TBCD: variants seen among roughly 807,000 people sequenced by gnomAD.
TBCD encodes tubulin folding cofactor D.
Under a neutral mutation model 169.3 loss-of-function variants are expected in TBCD, and 105 were observed. That is an observed-to-expected ratio of 0.62 (90% CI 0.53 to 0.73). TBCD has a LOEUF of 0.73. TBCD is among the 30% of genes least tolerant of loss of function. The pLI, the probability that TBCD is intolerant of heterozygous loss-of-function variation, is 0.00. For synonymous variants in TBCD, 700 were observed against 643.9 expected (o/e 1.09, Z -1.32); for missense variants, 1,444 against 1,600.1 (o/e 0.90, Z 1.66).
rs2057218446 is a variant in TBCD, at chr17:82,866,997, T to C, written c.1319-3227T>C. Reference sequence around the variant, plus strand: ...GCGTGTGTGTGTTGGCCCAGATGCCTGTTAGTGGACGCTGTGTCTGCACAG... The same window carrying C: ...GCGTGTGTGTGTTGGCCCAGATGCCCGTTAGTGGACGCTGTGTCTGCACAG... On this transcript the variant is annotated intron_variant, in intron 13 of 38. Transcript: ENST00000355528. Among the ~76,000 whole-genome samples the C allele has an allele frequency of 2.6e-5, 4 of 152,220 alleles. No individual in the cohort carries two copies. In the South Asian group the frequency reaches 8.3e-4, roughly 32 times the overall value.
chr17:82,837,654 T>C (rs2054103409), intron 13 of TBCD, among the ~76,000 whole-genome samples: 1 of 147,206 alleles, frequency 6.8e-6, no homozygotes, highest in African/African-American at 2.5e-5. Context: ...TGAAGGAGGG[T>C]TTCATCCTCC....
At position 82,831,880 on chromosome 17, in the gene TBCD, A is replaced by C. The variant is rs1196823290; in HGVS notation, c.1318+16946A>C. 6.2e-7 allele frequency: 1 copy of C among 1,614,082 alleles called. No homozygotes were observed. The highest frequency in any genetic ancestry group is 8.5e-7 in the Non-Finnish European group (1 of 1,179,996). ...GAAGGCCGACTTGGTGTGGAAAGAC[A>C]CGGCCTTGGCAGTGGGGTTGTGTAA... On this transcript the variant is annotated intron_variant, in intron 13 of 38. Transcript: ENST00000355528. This position sits in a 1 kb window ranked among gnomAD's most constrained non-coding sequence, Gnocchi z 4.6.
intron 26 of TBCD, among the ~76,000 whole-genome samples, chr17:82,924,704 G>T (rs2061614159): frequency 6.6e-6 from 1 of 152,178 alleles, no homozygotes; most frequent in Non-Finnish European, 1.5e-5. Flanking sequence ...AGCGAGCTAA[G>T]CTTGCACCAC....
chr17:82,806,978 C>T lies in TBCD; in HGVS notation c.1088-630C>T, dbSNP rs2051012748. ...CCGTCTCCCACCCGCTGCAGGCAGT[C>T]CCCCCTGCCCGCATTCCAGCTGCTG... On this transcript the variant is annotated intron_variant, in intron 10 of 38. Coordinates refer to ENST00000355528, the MANE Select transcript of TBCD (RefSeq NM_005993.5). This position sits in a 1 kb window ranked among gnomAD's most constrained non-coding sequence, Gnocchi z 5.1. Among the ~76,000 whole-genome samples the T allele has an allele frequency of 1.3e-5, 2 of 152,328 alleles. No homozygotes were observed. Among genetic ancestry groups the T allele is most frequent in the Non-Finnish European group, 2.9e-5 (2 of 68,016 alleles).
Position 82,800,919 on chromosome 17 carries a change from C to G in TBCD, c.873C>G (p.Thr291=). Residue 291 remains threonine (T), a synonymous_variant, in exon 9 of 39, where the codon ACC becomes ACG. Coordinates refer to ENST00000355528, the MANE Select transcript of TBCD (RefSeq NM_005993.5). The part of the protein sequence containing the change: ...DGCRLPESNQ[T]LLRKLGVKLV... ...GCAGACTCCCTGAGAGCAACCAGAC[C>G]CTGCTGCGGAAGCTGGGGGTGAAGC... 6.2e-7 allele frequency: 1 copy of G among 1,612,234 alleles called. No homozygotes were observed. The highest frequency in any genetic ancestry group is 1.7e-5 in the Admixed American group (1 of 59,856).
intron 7 of TBCD, among the ~76,000 whole-genome samples, chr17:82,795,169 A>G (rs2050012365): frequency 6.6e-6 from 1 of 152,192 alleles, no homozygotes; most frequent in Non-Finnish European, 1.5e-5. Flanking sequence ...GTGTGAGGGC[A>G]CTCTAGGAAT....
rs998632251 is a variant in TBCD at position 82,782,662 on chromosome 17, G to A, written c.771+941G>A. ...CGCCTGGAAGGACACTTTGGAGCGC[G>A]TTTTAGGGGAGATGATGAGTGCCAC... On this transcript the variant is annotated intron_variant, in intron 7 of 38. Transcript: ENST00000355528. This position sits in a 1 kb window ranked among gnomAD's most constrained non-coding sequence, Gnocchi z 5.1. 2.6e-5 allele frequency among the ~76,000 whole-genome samples: 4 copies of A among 152,210 alleles called. No individual in the cohort carries two copies. The highest frequency in any genetic ancestry group is 4.8e-5 in the African/African-American group (2 of 41,460).
At chr17:82,871,357 G>A (rs2057544009) in intron 14 of TBCD, among the ~76,000 whole-genome samples, 1 of 152,182 alleles carries the variant, frequency 6.6e-6, no homozygotes, top group Non-Finnish European at 1.5e-5. Flanking sequence ...CTTTCTTGTT[G>A]TGCATGAAGG....
chr17:82,752,845 G>C (rs1281988619), intron 1 of TBCD, among the ~76,000 whole-genome samples: 1 of 152,182 alleles, frequency 6.6e-6, no homozygotes, highest in Non-Finnish European at 1.5e-5. Flanking sequence ...GAATGAGAGA[G>C]GGGGACGCAG....
At chr17:82,886,890 G>A (rs1250270088) in intron 15 of TBCD, among the ~76,000 whole-genome samples, 2 of 151,122 alleles carry the variant, frequency 1.3e-5, no homozygotes, top group South Asian at 2.1e-4. Flanking sequence ...GGATGGTCTC[G>A]AACTCCTGAC....
intron 34 of TBCD, among the ~76,000 whole-genome samples, chr17:82,935,597 G>A (rs1416668180): frequency 1.3e-5 from 2 of 151,814 alleles, no homozygotes; most frequent in African/African-American, 4.8e-5. Context: ...CTAGAAATTA[G>A]AAATGACACC....
Position 82,943,083 on chromosome 17 carries a change from T to C in TBCD, c.*620T>C, listed in dbSNP as rs1323112413. On this transcript the variant is annotated 3_prime_UTR_variant, in exon 39 of 39. Transcript: ENST00000355528. ...AGTGCAGGAGTCACTGATTGATGGG[T>C]GTGCCGACCAGCAGCTTCACAAATG... 6.5e-6 allele frequency: 1 copy of C among 152,988 alleles called. No individual in the cohort carries two copies. The highest frequency in any genetic ancestry group is 1.5e-5 in the Non-Finnish European group (1 of 68,672). The allele number at this position is 152,988 out of a possible 1,614,324, so 9.5% of individuals were successfully genotyped here. A position where few individuals can be genotyped will look rare whatever the true frequency, so the allele number is the denominator to read the frequency against.
intron 7 of TBCD, among the ~76,000 whole-genome samples, chr17:82,791,988 A>C (rs952886633): frequency 1.3e-5 from 2 of 152,240 alleles, no homozygotes; most frequent in African/African-American, 4.8e-5. Flanking sequence ...TGGTGTTTGC[A>C]CATCTAAGCA....
chr17:82,859,720 G>A, intron 13 of TBCD: 1 of 985,452 alleles, frequency 1.0e-6, no homozygotes, highest in Admixed American at 6.1e-5. Flanking sequence ...TGTGGCTGTG[G>A]AAAGATTCCA....
At chr17:82,879,059 C>CTT (rs58480407) in intron 14 of TBCD, among the ~76,000 whole-genome samples, 3 of 113,978 alleles carry the variant, frequency 2.6e-5, no homozygotes, top group Admixed American at 9.2e-5. Flanking sequence ...AGATCCTGTT[C>CTT]TTTTTTTTTT....
At position 82,907,953 on chromosome 17, in the gene TBCD, G is replaced by T. The variant is rs915756856; in HGVS notation, c.1983+132G>T. 7.7e-6 allele frequency: 7 copies of T among 914,138 alleles called. No homozygotes were observed. In the East Asian group the frequency reaches 1.6e-4, roughly 21 times the overall value. The allele number at this position is 914,138 out of a possible 1,614,324, so 56.6% of individuals were successfully genotyped here. On this transcript the variant is annotated intron_variant, in intron 21 of 38. Transcript: ENST00000355528. ...GCTCCATCAGTCCTGGGCTCAGTGG[G>T]GGACCTGCGGTGTGATCACTCTGGG...
intron 37 of TBCD, among the ~76,000 whole-genome samples, chr17:82,940,082 A>T (rs558992411): frequency 1.6e-4 from 25 of 152,230 alleles, no homozygotes; most frequent in African/African-American, 6.0e-4. Flanking sequence ...GGAGGGTCTG[A>T]ATGAGAGCAG....
At chr17:82,932,786 A>G in intron 34 of TBCD, 51 bp downstream of exon 34, 2 of 1,564,152 alleles carry the variant, frequency 1.3e-6, no homozygotes, top group Non-Finnish European at 1.8e-6. Flanking sequence ...TAAGTAGCTC[A>G]TGTATTAAAG....
intron 14 of TBCD, among the ~76,000 whole-genome samples, chr17:82,871,153 G>A (rs79586665): frequency 0.012 from 1,776 of 151,946 alleles, 34 homozygotes; most frequent in African/African-American, 0.04. Flanking sequence ...TCCAGTGCGC[G>A]CACCCAGCTG....
Sources: gnomAD v4.1 joint callset for allele counts (sites outside exome capture counted in the v4.1 genomes callset) on GRCh38, gnomAD v4.1.1 for gene constraint, Gnocchi (gnomAD v3.1) non-coding constraint, MANE v1.5 for transcripts, NCBI Gene and HGNC (gene_info 2026-07-23, HGNC 2026-07-21) for gene names.